The following CSMD1 variants were observed in gnomAD, a reference collection of about 807,000 sequenced individuals.
The protein encoded by CSMD1 is CUB and Sushi multiple domains 1, also known as CUB and sushi domain-containing protein 1.
A neutral mutation model predicts 417.5 loss-of-function variants in CSMD1; 213 were observed. The observed-to-expected ratio is 0.51, with a 90% CI of 0.46 to 0.57. CSMD1 has a LOEUF of 0.57. CSMD1 is among the 20% of genes least tolerant of loss of function. The pLI is 0.00. For missense variants in CSMD1, 6,923 were observed against 4,529.7 expected (o/e 1.53, Z -15.17); for synonymous variants, 2,862 against 1,736.8 (o/e 1.65, Z -16.11).
rs532459185 is a variant in CSMD1, at chr8:3,116,015, C to T, written c.6430+2384G>A. Reference sequence around the variant, plus strand: ...ATACTGGGTTGTCAGCAGTGTTTACCGCTGTCTCTGGGAAAGACTGAAGTG... The same window carrying T: ...ATACTGGGTTGTCAGCAGTGTTTACTGCTGTCTCTGGGAAAGACTGAAGTG... On this transcript the variant is annotated intron_variant, in intron 42 of 69. Transcript: ENST00000635120. Among the ~76,000 whole-genome samples the T allele has an allele frequency of 6.6e-5, 10 of 152,260 alleles. No homozygotes were observed. The East Asian group carries it at 1.2e-3, about 18-fold the overall frequency.
At chr8:3,377,069 T>C (rs1810352496) in intron 18 of CSMD1, among the ~76,000 whole-genome samples, 1 of 152,204 alleles carries the variant, frequency 6.6e-6, no homozygotes, top group African/African-American at 2.4e-5. Flanking sequence ...AGTGTAGTGG[T>C]GTGATCTTGG....
At chr8:2,982,214 G>A (rs1286233374) in intron 54 of CSMD1, among the ~76,000 whole-genome samples, 2 of 152,106 alleles carry the variant, frequency 1.3e-5, no homozygotes, top group African/African-American at 4.8e-5. Context: ...AAATTAGCCA[G>A]GCATGGTGGC....
chr8:4,171,599 G>T (rs1327821150), intron 3 of CSMD1, among the ~76,000 whole-genome samples: 1 of 151,344 alleles, frequency 6.6e-6, no homozygotes, highest in Non-Finnish European at 1.5e-5. Context: ...AATTCCTTAG[G>T]GGACGGTCCC....
At chr8:3,954,365 C>CT (rs955503375) in intron 5 of CSMD1, among the ~76,000 whole-genome samples, 64 of 150,162 alleles carry the variant, frequency 4.3e-4, no homozygotes, top group Middle Eastern at 3.4e-3. Flanking sequence ...GATCCTAGGA[C>CT]TTTTTTTTCT....
At chr8:3,929,266 TC>T (rs1809971301) in intron 5 of CSMD1, among the ~76,000 whole-genome samples, 1 of 150,296 alleles carries the variant, frequency 6.7e-6, no homozygotes, top group Non-Finnish European at 1.5e-5. Context: ...AGGATGATTT[TC>T]CCCCTACATT....
chr8:3,786,429 C>T lies in CSMD1; in HGVS notation c.819-32387G>A, dbSNP rs189711869. On this transcript the variant is annotated intron_variant, in intron 5 of 69. Transcript: ENST00000635120. ...AAGAGTTTGGGGGACCACAAAAGTACGAGAGAAAGCATCTGTAAAGCCATA... is the reference window on the plus strand; with the variant it reads ...AAGAGTTTGGGGGACCACAAAAGTATGAGAGAAAGCATCTGTAAAGCCATA... Among the ~76,000 whole-genome samples, 42 of 152,018 alleles carry T rather than the reference C, an allele frequency of 2.8e-4. No individual in the cohort carries two copies. In the East Asian group the frequency reaches 4.5e-3, roughly 16 times the overall value.
intron 10 of CSMD1, among the ~76,000 whole-genome samples, chr8:3,572,197 G>T (rs545990317): frequency 1.3e-5 from 2 of 152,196 alleles, no homozygotes; most frequent in East Asian, 3.9e-4. Flanking sequence ...CACCCAGGAA[G>T]GGCGGTGGGA....
intron 23 of CSMD1, 106 bp downstream of exon 23, chr8:3,343,188 G>C: frequency 6.4e-6 from 6 of 937,912 alleles, no homozygotes; most frequent in South Asian, 1.6e-5. Context: ...CAAAAACACA[G>C]TAGGCAGCCA....
intron 1 of CSMD1, among the ~76,000 whole-genome samples, chr8:4,925,299 T>A (rs1806782251): frequency 7.0e-6 from 1 of 143,058 alleles, no homozygotes; most frequent in African/African-American, 2.6e-5. Context: ...TGAAGGTTAA[T>A]TTCCAGACAC....
intron 3 of CSMD1, among the ~76,000 whole-genome samples, chr8:4,314,967 G>A (rs531270851): frequency 6.6e-6 from 1 of 152,106 alleles, no homozygotes; most frequent in Non-Finnish European, 1.5e-5. Flanking sequence ...GTGGGAGGAG[G>A]TTTCACCTTC....
intron 5 of CSMD1, among the ~76,000 whole-genome samples, chr8:3,827,639 T>C (rs759713993): frequency 3.3e-5 from 5 of 152,216 alleles, no homozygotes; most frequent in Non-Finnish European, 7.3e-5. Context: ...TATAAAAACC[T>C]CTTCGAATAA....
chr8:3,830,217 T>C (rs1300667737), intron 5 of CSMD1, among the ~76,000 whole-genome samples: 1 of 152,200 alleles, frequency 6.6e-6, no homozygotes, highest in Non-Finnish European at 1.5e-5. Context: ...AGGTAAAATA[T>C]GTGAAATTTC....
intron 26 of CSMD1, among the ~76,000 whole-genome samples, chr8:3,263,336 T>G (rs113105223): frequency 0.03 from 4,514 of 152,260 alleles, 196 homozygotes; most frequent in African/African-American, 0.1. Context: ...TGGCCTCAAG[T>G]GATCTGCCTG....
intron 5 of CSMD1, among the ~76,000 whole-genome samples, chr8:3,912,958 G>A (rs779652468): frequency 6.6e-6 from 1 of 152,180 alleles, no homozygotes. Context: ...CATGGATTGA[G>A]AGGAGTAACC....
intron 1 of CSMD1, among the ~76,000 whole-genome samples, chr8:4,955,598 A>G (rs1228972595): frequency 6.6e-6 from 1 of 151,860 alleles, no homozygotes; most frequent in African/African-American, 2.4e-5. Flanking sequence ...TGAGATTACA[A>G]GCATGTACCA....
At chr8:3,837,006 G>T (rs752438274) in intron 5 of CSMD1, among the ~76,000 whole-genome samples, 3 of 151,748 alleles carry the variant, frequency 2.0e-5, no homozygotes, top group Admixed American at 1.3e-4. Flanking sequence ...GCTACTTTAA[G>T]TGAAGTTACT....
intron 2 of CSMD1, among the ~76,000 whole-genome samples, chr8:4,572,864 G>T (rs1286133894): frequency 1.3e-5 from 2 of 151,880 alleles, no homozygotes; most frequent in Non-Finnish European, 2.9e-5. Flanking sequence ...ATTTCATTAA[G>T]TTGATCTTCA....
At chr8:3,171,907 T>C (rs145466283) in intron 37 of CSMD1, among the ~76,000 whole-genome samples, 51 of 152,314 alleles carry the variant, frequency 3.3e-4, no homozygotes, top group African/African-American at 1.2e-3. Context: ...TGTGTCTCTA[T>C]ATTTGGGTTC....
chr8:3,170,303 G>A (rs765634577), intron 37 of CSMD1, among the ~76,000 whole-genome samples: 1 of 152,170 alleles, frequency 6.6e-6, no homozygotes, highest in African/African-American at 2.4e-5. Flanking sequence ...CGCCTCCCGG[G>A]TTCACACCAT....
Sources: allele counts gnomAD v4.1 joint callset (sites outside exome capture counted in the v4.1 genomes callset), GRCh38; gene constraint gnomAD v4.1.1; transcripts MANE v1.5; gene names NCBI Gene and HGNC (gene_info 2026-07-23, HGNC 2026-07-21).